CD163L1: variants seen among roughly 807,000 people sequenced by gnomAD.
The protein encoded by CD163L1 is scavenger receptor cysteine-rich type 1 protein M160.
CD163L1 carries 124 observed loss-of-function variants against 165.4 expected under a neutral mutation model. The observed-to-expected ratio is 0.75, with a 90% CI of 0.65 to 0.87. The LOEUF is 0.87. Ranked by LOEUF, CD163L1 falls within the 40% of genes least tolerant of loss-of-function variation. The pLI is 0.00. For missense variants in CD163L1, 1,525 were observed against 1,799.9 expected (o/e 0.85, Z 2.76); for synonymous variants, 585 against 662.2 (o/e 0.88, Z 1.79).
intron 5 of CD163L1, among the ~76,000 whole-genome samples, chr12:7,405,198 T>C (rs1160821822): frequency 6.6e-6 from 1 of 152,152 alleles, no homozygotes; most frequent in African/African-American, 2.4e-5. Flanking sequence ...GTTAAGGATG[T>C]TATATCAAGT....
chr12:7,438,841 C>A lies in CD163L1; in HGVS notation c.124+2313G>T, dbSNP rs879210846. On this transcript the variant is annotated intron_variant, in intron 2 of 19. Transcript: ENST00000313599. Reference sequence around the variant, plus strand: ...CCCCGCTCAACCTCCAGCCCTTTGGCGTTTGGACAGATATAGGCATAAGCT... The same window carrying A: ...CCCCGCTCAACCTCCAGCCCTTTGGAGTTTGGACAGATATAGGCATAAGCT... 7.0e-6 allele frequency: 11 copies of A among 1,561,992 alleles called. No homozygotes were observed. In the South Asian group the frequency reaches 1.2e-4, roughly 18 times the overall value.
intron 9 of CD163L1, among the ~76,000 whole-genome samples, chr12:7,376,451 T>C (rs1322689393): frequency 1.3e-5 from 2 of 152,232 alleles, no homozygotes; most frequent in Admixed American, 1.3e-4. Context: ...ATTCTGACTC[T>C]ATTCTTTGCA....
chr12:7,385,936 A>G (rs906599803), intron 8 of CD163L1, among the ~76,000 whole-genome samples: 1 of 152,086 alleles, frequency 6.6e-6, no homozygotes, highest in Non-Finnish European at 1.5e-5. Context: ...ATGTATCACA[A>G]CACACTAGAA....
chr12:7,422,599 C>T (rs1244717934), intron 4 of CD163L1, among the ~76,000 whole-genome samples: 1 of 150,840 alleles, frequency 6.6e-6, no homozygotes, highest in East Asian at 1.9e-4. Flanking sequence ...ACATAATATG[C>T]TTTTCATATA....
chr12:7,324,305 A>C, the CD163L1 span: 4 of 1,613,576 alleles, frequency 2.5e-6, no homozygotes, highest in Non-Finnish European at 3.4e-6. Flanking sequence ...CCACGATAAG[A>C]GGAGATTTTT....
chr12:7,421,636 TGTAC>T (rs879744330), intron 4 of CD163L1, among the ~76,000 whole-genome samples: 1,172 of 5,212 alleles, frequency 0.22, 66 homozygotes, highest in East Asian at 0.49. Flanking sequence ...TATACATATA[TGTAC>T]ACATATACAT....
intron 4 of CD163L1, among the ~76,000 whole-genome samples, chr12:7,421,017 A>G (rs1236435557): frequency 1.2e-5 from 1 of 81,780 alleles, no homozygotes; most frequent in Non-Finnish European, 2.2e-5. Context: ...ATACGTGTAT[A>G]TATATACATA....
rs1408877350 is a variant in CD163L1, at chr12:7,403,646, T to C, written c.1297A>G (p.Ile433Val). Residue 433 changes from isoleucine (I) to valine (V), a missense_variant, in exon 6 of 20, where the codon ATA (isoleucine) becomes GTA (valine). Ile to Val is a conservative substitution (Grantham distance 29). Transcript: ENST00000313599. ...TTCCCAGTGCAAGATATGCTGTTTA[T>C]CCAAATGTCTCTAGCTTCATTACTA... ...KPSNEARDIW[I>V]NSISCTGNES... 1 of 1,614,068 alleles carries C rather than the reference T, an allele frequency of 6.2e-7. No individual in the cohort carries two copies. The highest frequency in any genetic ancestry group is 8.5e-7 in the Non-Finnish European group (1 of 1,179,968).
At chr12:7,421,823 C>T (rs749357019) in intron 4 of CD163L1, among the ~76,000 whole-genome samples, 7 of 151,042 alleles carry the variant, frequency 4.6e-5, no homozygotes, top group Non-Finnish European at 8.8e-5. Context: ...ACCATATGTT[C>T]TCACTCATAA....
chr12:7,395,265 TA>T, intron 8 of CD163L1, among the ~76,000 whole-genome samples: 1 of 152,140 alleles, frequency 6.6e-6, no homozygotes, highest in Admixed American at 6.5e-5. Context: ...TATGCAGCCA[TA>T]AAAAAGGATG....
the CD163L1 span, among the ~76,000 whole-genome samples, chr12:7,338,875 G>T: frequency 6.6e-6 from 1 of 152,168 alleles, no homozygotes. Flanking sequence ...CATCCTAATG[G>T]TGGTGGTTGA....
the CD163L1 span, among the ~76,000 whole-genome samples, chr12:7,334,293 T>A: frequency 3.9e-5 from 6 of 152,206 alleles, no homozygotes; most frequent in Admixed American, 1.3e-4. Flanking sequence ...TTATCCACCA[T>A]GATCAAGTCG....
chr12:7,409,446 T>C (rs1948090317), intron 4 of CD163L1, among the ~76,000 whole-genome samples: 1 of 152,146 alleles, frequency 6.6e-6, no homozygotes, highest in African/African-American at 2.4e-5. Flanking sequence ...ATGAAACTGT[T>C]CTGCCTCAGA....
intron 4 of CD163L1, among the ~76,000 whole-genome samples, chr12:7,429,839 A>G (rs1209673217): frequency 6.6e-6 from 1 of 152,176 alleles, no homozygotes; most frequent in Non-Finnish European, 1.5e-5. Context: ...ATCAAATTTT[A>G]TCATGGTAAT....
intron 4 of CD163L1, among the ~76,000 whole-genome samples, chr12:7,419,578 G>A (rs886962491): frequency 6.6e-6 from 1 of 152,004 alleles, no homozygotes; most frequent in Admixed American, 6.6e-5. Context: ...GTTGTTGCTT[G>A]CTGATATGAT....
the CD163L1 span, among the ~76,000 whole-genome samples, chr12:7,334,948 C>G: frequency 1.3e-5 from 2 of 152,116 alleles, no homozygotes; most frequent in Non-Finnish European, 2.9e-5. Context: ...TGTGAAGGAC[C>G]TATTCAAGGA....
At chr12:7,356,052 A>G (rs990315956) in intron 19 of CD163L1, among the ~76,000 whole-genome samples, 1 of 152,184 alleles carries the variant, frequency 6.6e-6, no homozygotes, top group Non-Finnish European at 1.5e-5. Flanking sequence ...CTTTAAAAAC[A>G]ACACATAGTA....
chr12:7,421,193 A>ATGTATATATATGGGTATATATATG (rs1591953166), intron 4 of CD163L1, among the ~76,000 whole-genome samples: 1 of 135,014 alleles, frequency 7.4e-6, no homozygotes, highest in Non-Finnish European at 1.6e-5. Flanking sequence ...ATGTGTATAT[A>ATGTATATATATGGGTATATATATG]TGTATATATA....
Position 7,379,021 on chromosome 12 carries a change from CT to C in CD163L1, c.2327del (p.Gln776ArgfsTer6). On this transcript the variant is annotated frameshift_variant, in exon 9 of 20. Coordinates refer to ENST00000313599, the MANE Select transcript of CD163L1 (RefSeq NM_174941.6). LOFTEE classifies it high-confidence loss of function. ...CTTCCATATTTAAATGACACGCAGT[CT>C]GTTTCCACTCCCATCGTATACAATC... ...LWDCIRWEWK[Q>X]TACHLNMEAS... The C allele has an allele frequency of 6.2e-7, 1 of 1,612,344 alleles. No homozygotes were observed. The highest frequency in any genetic ancestry group is 8.5e-7 in the Non-Finnish European group (1 of 1,178,418).
Sources: gnomAD v4.1 joint callset for allele counts (sites outside exome capture counted in the v4.1 genomes callset) on GRCh38, gnomAD v4.1.1 for gene constraint, MANE v1.5 for transcripts, NCBI Gene and HGNC (gene_info 2026-07-23, HGNC 2026-07-21) for gene names.